The following RUSC2 variants were observed in gnomAD, a reference collection of about 807,000 sequenced individuals.
RUSC2 encodes the protein AP-4 complex accessory subunit RUSC2.
RUSC2 carries 34 observed loss-of-function variants against 122.2 expected under a neutral mutation model. The observed-to-expected ratio is 0.28, with a 90% confidence interval of 0.21 to 0.37. The LOEUF is 0.37. Ranked by LOEUF, RUSC2 falls within the 10% of genes least tolerant of loss-of-function variation. RUSC2 has a pLI of 1.00. For synonymous variants in RUSC2, 784 were observed against 790.0 expected (o/e 0.99, Z 0.13); for missense variants, 1,747 against 1,952.4 (o/e 0.89, Z 1.98).
chr9:35,516,334 C>T (rs1363148452), intron 1 of RUSC2, among the ~76,000 whole-genome samples: 1 of 152,084 alleles, frequency 6.6e-6, no homozygotes, highest in Non-Finnish European at 1.5e-5. Context: ...GTGTCCAAAT[C>T]CATCTGTCTA....
chr9:35,536,491 A>T (rs1821529427), intron 1 of RUSC2, among the ~76,000 whole-genome samples: 1 of 152,132 alleles, frequency 6.6e-6, no homozygotes, highest in Non-Finnish European at 1.5e-5. Flanking sequence ...GGACTGCATG[A>T]TGGGAAGGCA....
In RUSC2 at chr9:35,561,544, C is replaced by A; in HGVS notation, c.*162C>A. On this transcript the variant is annotated 3_prime_UTR_variant, in exon 12 of 12. Transcript: ENST00000361226. ...CCCTGTGCTCAGTATTAATTACGCC[C>A]CCTTAACTGTCCCAGTGACCTTGTC... is the stretch of plus-strand genomic sequence containing the variant. 1.6e-6 allele frequency: 1 copy of A among 629,050 alleles called. No individual in the cohort carries two copies. Among genetic ancestry groups the A allele is most frequent in the Non-Finnish European group, 2.8e-6 (1 of 361,722 alleles). The allele number at this position is 629,050 out of a possible 1,614,324, so 39.0% of individuals were successfully genotyped here. A position where few individuals can be genotyped will look rare whatever the true frequency, so the allele number is the denominator to read the frequency against.
At chr9:35,510,938 A>G (rs1821000345) in intron 1 of RUSC2, among the ~76,000 whole-genome samples, 1 of 152,224 alleles carries the variant, frequency 6.6e-6, no homozygotes, top group Non-Finnish European at 1.5e-5. Context: ...GAAGCAGCCG[A>G]CAATGGGAGC....
intron 1 of RUSC2, among the ~76,000 whole-genome samples, chr9:35,518,823 T>G (rs1821156939): frequency 6.6e-6 from 1 of 152,210 alleles, no homozygotes; most frequent in Middle Eastern, 3.2e-3. Context: ...TTCTTTACAA[T>G]GTCAGCACTC....
intron 1 of RUSC2, among the ~76,000 whole-genome samples, chr9:35,504,678 T>G (rs1820879900): frequency 6.6e-6 from 1 of 152,194 alleles, no homozygotes; most frequent in African/African-American, 2.4e-5. Context: ...TTGGCCAGAC[T>G]GGTTTTAAAT....
chr9:35,499,593 A>G (rs1451552654), intron 1 of RUSC2, among the ~76,000 whole-genome samples: 3 of 152,230 alleles, frequency 2.0e-5, no homozygotes, highest in Non-Finnish European at 2.9e-5. Context: ...ACTTCTGGCT[A>G]AAGTTTAATT....
chr9:35,557,978 T>C lies in RUSC2; in HGVS notation c.3048T>C (p.Asp1016=). The C allele has an allele frequency of 6.2e-7, 1 of 1,614,106 alleles. No homozygotes were observed. Among genetic ancestry groups the C allele is most frequent in the Non-Finnish European group, 8.5e-7 (1 of 1,180,010 alleles). ...LIVAHFGTSR[D]PGVKAKLGNS... ...TGGCTCATTTTGGCACAAGCCGGGA[T>C]CCCGGGGTGAAGGTAGGCAAGGAAA... is the stretch of plus-strand genomic sequence containing the variant. Residue 1016 remains aspartate (D), a synonymous_variant, in exon 6 of 12, where the codon GAT becomes GAC. Coordinates refer to ENST00000361226, the MANE Select transcript of RUSC2 (RefSeq NM_014806.5). This position sits in a 1 kb window ranked among gnomAD's most constrained non-coding sequence, Gnocchi z 4.6.
At chr9:35,502,713 G>A (rs1256899672) in intron 1 of RUSC2, among the ~76,000 whole-genome samples, 5 of 152,246 alleles carry the variant, frequency 3.3e-5, no homozygotes, top group African/African-American at 1.2e-4. Context: ...TTTAGCAGTT[G>A]TATAAGAAAT....
In RUSC2 at chr9:35,555,468, C is replaced by A. The variant is rs1821993910; in HGVS notation, c.2423C>A (p.Pro808His). ...STSCSPPPEQ[P>H]TATESLPPWS... ...TCGTGCTCCCCTCCCCCAGAGCAGCCCACAGCCACAGAAAGCCTGCCCCCA... is the reference window on the plus strand; with the variant it reads ...TCGTGCTCCCCTCCCCCAGAGCAGCACACAGCCACAGAAAGCCTGCCCCCA... The change falls in exon 3 of 12, where the codon CCC becomes CAC. Residue 808 changes from proline (P) to histidine (H), a missense_variant. Coordinates refer to ENST00000361226, the MANE Select transcript of RUSC2 (RefSeq NM_014806.5). The surrounding 1 kb of genome is among the most constrained non-coding windows in gnomAD (Gnocchi z 4.6). The A allele has an allele frequency of 1.1e-5, 17 of 1,614,082 alleles. No individual in the cohort carries two copies. Among genetic ancestry groups the A allele is most frequent in the Admixed American group, 1.7e-5 (1 of 59,998 alleles).
intron 1 of RUSC2, among the ~76,000 whole-genome samples, chr9:35,535,526 G>A (rs1451985330): frequency 6.7e-6 from 1 of 149,850 alleles, no homozygotes; most frequent in East Asian, 2.0e-4. Flanking sequence ...TACACACAAG[G>A]AGCTTCTCTT....
In RUSC2 at chr9:35,561,397, T is replaced by C. The variant is rs575483400; in HGVS notation, c.*15T>C. Reference sequence around the variant, plus strand: ...GCCAAAACTGAGGCCCTGTGCATGCTGGTGGCCTCAGGGACCCTCATAACC... The same window carrying C: ...GCCAAAACTGAGGCCCTGTGCATGCCGGTGGCCTCAGGGACCCTCATAACC... On this transcript the variant is annotated 3_prime_UTR_variant, in exon 12 of 12. Coordinates refer to ENST00000361226, the MANE Select transcript of RUSC2 (RefSeq NM_014806.5). The C allele has an allele frequency of 1.4e-5, 23 of 1,595,214 alleles. No homozygotes were observed. In the South Asian group the frequency reaches 2.6e-4, roughly 18 times the overall value.
At chr9:35,494,627 C>T (rs916836570) in intron 1 of RUSC2, among the ~76,000 whole-genome samples, 3 of 151,812 alleles carry the variant, frequency 2.0e-5, no homozygotes, top group African/African-American at 7.3e-5. Context: ...GTCCTTTGCC[C>T]ATTCTTGGAT....
chr9:35,518,190 T>C (rs1034943487), intron 1 of RUSC2, among the ~76,000 whole-genome samples: 4 of 152,230 alleles, frequency 2.6e-5, no homozygotes, highest in African/African-American at 9.6e-5. Flanking sequence ...ATGTATTAAA[T>C]GAGTCCCTCA....
intron 1 of RUSC2, among the ~76,000 whole-genome samples, chr9:35,504,217 G>A (rs765319520): frequency 6.6e-5 from 10 of 152,034 alleles, no homozygotes; most frequent in Non-Finnish European, 1.2e-4. Context: ...ATATTTTTCC[G>A]AGCTCATTAT....
intron 1 of RUSC2, among the ~76,000 whole-genome samples, chr9:35,503,719 T>TAGCATCCCAAC (rs1478287001): frequency 1.3e-5 from 2 of 151,876 alleles, no homozygotes; most frequent in African/African-American, 4.8e-5. Context: ...ACATTCCCAA[T>TAGCATCCCAAC]AGCAGTGTAT....
Position 35,558,544 on chromosome 9 carries a change from C to T in RUSC2, c.3318C>T (p.Asn1106=), listed in dbSNP as rs955491823. ...PELTSHTMRF[N]AFILGLLNIR... is the part of the protein sequence containing the mutation. ...TCACCAGTCATACCATGCGCTTCAA[C>T]GCCTTCATCCTCGGCCTGCTCAAGT... Residue 1106 remains asparagine, a synonymous_variant, in exon 8 of 12, where the codon AAC becomes AAT. Transcript: ENST00000361226. This position sits in a 1 kb window ranked among gnomAD's most constrained non-coding sequence, Gnocchi z 4.3. 3.1e-6 allele frequency: 5 copies of T among 1,614,100 alleles called. No homozygotes were observed. In the South Asian group the frequency reaches 3.3e-5, roughly 11 times the overall value.
Position 35,558,940 on chromosome 9 carries a change from A to C in RUSC2, c.3342-286A>C, listed in dbSNP as rs1324603685. ...AACATGCTTTCTCAGGTATGGGCCCAGGCCATTCCCTTTGGCCCTGAGCTG... is the reference window on the plus strand; with the variant it reads ...AACATGCTTTCTCAGGTATGGGCCCCGGCCATTCCCTTTGGCCCTGAGCTG... On this transcript the variant is annotated intron_variant, in intron 8 of 11. Coordinates refer to ENST00000361226, the MANE Select transcript of RUSC2 (RefSeq NM_014806.5). This position sits in a 1 kb window ranked among gnomAD's most constrained non-coding sequence, Gnocchi z 4.3. Among the ~76,000 whole-genome samples, 1 of 152,238 alleles carries C rather than the reference A, an allele frequency of 6.6e-6. No homozygotes were observed. The highest frequency in any genetic ancestry group is 6.5e-5 in the Admixed American group (1 of 15,286).
Position 35,561,767 on chromosome 9 carries a change from C to T in RUSC2, c.*385C>T, listed in dbSNP as rs1043361303. On this transcript the variant is annotated 3_prime_UTR_variant, in exon 12 of 12. Coordinates refer to ENST00000361226, the MANE Select transcript of RUSC2 (RefSeq NM_014806.5). ...AGTATTGGGGCCAGATCCCTAAGCC[C>T]CCCAGCTGTAAATAGGCTGTGGCCA... 1.8e-6 allele frequency: 1 copy of T among 556,640 alleles called. No homozygotes were observed. The highest frequency in any genetic ancestry group is 3.2e-6 in the Non-Finnish European group (1 of 316,320). 34.5% of individuals were successfully genotyped at this position (556,640 alleles called of 1,614,324 possible).
In RUSC2 at chr9:35,560,955, C is replaced by CCTAGGCT; in HGVS notation, c.4212-3_4215dup. On this transcript the variant is annotated splice_polypyrimidine_tract_variant and splice_region_variant and intron_variant, in intron 10 of 11. Coordinates refer to ENST00000361226, the MANE Select transcript of RUSC2 (RefSeq NM_014806.5). Reference sequence around the variant, plus strand: ...GCAGAGCCTGAGTCCAGCTGCTGTCCCTAGGCTCCCCTCGGACTGGCTGAG... The same window carrying CCTAGGCT: ...GCAGAGCCTGAGTCCAGCTGCTGTCCCTAGGCTCTAGGCTCCCCTCGGACTGGCTGAG... 6.2e-7 allele frequency: 1 copy of CCTAGGCT among 1,613,100 alleles called. No individual in the cohort carries two copies. The highest frequency in any genetic ancestry group is 8.5e-7 in the Non-Finnish European group (1 of 1,179,396).
Sources: allele counts gnomAD v4.1 joint callset (sites outside exome capture counted in the v4.1 genomes callset), GRCh38; gene constraint gnomAD v4.1.1; non-coding constraint Gnocchi (gnomAD v3.1); transcripts MANE v1.5; gene names NCBI Gene and HGNC (gene_info 2026-07-23, HGNC 2026-07-21).